Variants in ZNF438 observed in about 807,000 individuals in gnomAD.
The protein encoded by ZNF438 is zinc finger protein 438.
In ZNF438, 25 loss-of-function variants were observed where a neutral mutation model predicts 38.0. That is an observed-to-expected ratio of 0.66 (90% CI 0.48 to 0.92). The LOEUF is 0.92. Among genes scored for constraint, ZNF438 ranks in the 40% least tolerant of loss-of-function variants. The pLI is 0.00. For missense variants in ZNF438, 1,007 were observed against 999.6 expected (o/e 1.01, Z -0.10); for synonymous variants, 372 against 364.1 (o/e 1.02, Z -0.25).
chr10:30,995,442 T>A (rs2053947395), intron 1 of ZNF438, among the ~76,000 whole-genome samples: 1 of 152,066 alleles, frequency 6.6e-6, no homozygotes, highest in Admixed American at 6.6e-5. Context: ...AATTAAGGCA[T>A]CCCCAGAAAA....
At chr10:30,899,661 C>CA (rs1564602367) in intron 3 of ZNF438, among the ~76,000 whole-genome samples, 2 of 151,944 alleles carry the variant, frequency 1.3e-5, no homozygotes, top group Admixed American at 6.5e-5. Flanking sequence ...CCCACCCCCC[C>CA]ACACACAGGG....
chr10:30,862,937 G>A (rs1321154516), intron 4 of ZNF438, among the ~76,000 whole-genome samples: 1 of 152,206 alleles, frequency 6.6e-6, no homozygotes, highest in Non-Finnish European at 1.5e-5. Context: ...TTTGAGGAAT[G>A]TGCAAACTAC....
At chr10:30,869,574 A>G (rs2133393064) in intron 4 of ZNF438, among the ~76,000 whole-genome samples, 1 of 152,330 alleles carries the variant, frequency 6.6e-6, no homozygotes, top group African/African-American at 2.4e-5. Context: ...ATATTTCTAC[A>G]GGCATGTGTG....
intron 3 of ZNF438, among the ~76,000 whole-genome samples, chr10:30,886,936 TG>T (rs1564571260): frequency 6.6e-6 from 1 of 152,230 alleles, no homozygotes; most frequent in Non-Finnish European, 1.5e-5. Context: ...CATGGCTTTT[TG>T]TTAAATTTTA....
chr10:30,965,778 G>C (rs558440234), intron 1 of ZNF438, among the ~76,000 whole-genome samples: 28 of 152,130 alleles, frequency 1.8e-4, no homozygotes, highest in African/African-American at 6.0e-4. Flanking sequence ...AGGGAGGAGG[G>C]AGGCAAGAGT....
intron 1 of ZNF438, among the ~76,000 whole-genome samples, chr10:31,022,729 C>T (rs1429781178): frequency 2.0e-5 from 3 of 152,188 alleles, no homozygotes; most frequent in African/African-American, 4.8e-5. Context: ...ACAAACGCTT[C>T]GAAAGCTGAA....
In ZNF438 at chr10:30,861,826, G is replaced by A. The variant is rs139435435; in HGVS notation, c.38-11459C>T. ...TTTTGGCAAAAATAATTTGTAGCAC[G>A]CAAAAGATTTTATTCATTATTACAA... On this transcript the variant is annotated intron_variant, in intron 4 of 5. Transcript: ENST00000413025. Among the ~76,000 whole-genome samples, 43 of 152,174 alleles carry A rather than the reference G, an allele frequency of 2.8e-4. 1 individual carries two copies. In the East Asian group the frequency reaches 4.4e-3, roughly 16 times the overall value.
intron 1 of ZNF438, among the ~76,000 whole-genome samples, chr10:30,998,295 C>T (rs1037238640): frequency 6.6e-6 from 1 of 151,868 alleles, no homozygotes; most frequent in African/African-American, 2.4e-5. Flanking sequence ...AATCCTAGCA[C>T]TTTGGGAGGC....
intron 2 of ZNF438, among the ~76,000 whole-genome samples, chr10:30,931,729 C>T (rs770437994): frequency 2.0e-5 from 3 of 152,192 alleles, no homozygotes; most frequent in East Asian, 1.9e-4. Flanking sequence ...GTACGTCAAA[C>T]ATTCTTGCCA....
intron 3 of ZNF438, among the ~76,000 whole-genome samples, chr10:30,903,677 T>G (rs1228400592): frequency 6.6e-6 from 1 of 152,188 alleles, no homozygotes; most frequent in Non-Finnish European, 1.5e-5. Context: ...AGGTTGAGCC[T>G]TTTGAGTATT....
At chr10:30,859,313 A>C (rs922470030) in intron 4 of ZNF438, among the ~76,000 whole-genome samples, 1 of 152,098 alleles carries the variant, frequency 6.6e-6, no homozygotes, top group African/African-American at 2.4e-5. Flanking sequence ...CCTGGACTTA[A>C]GCAATCCACC....
chr10:30,941,226 C>G (rs978248100), intron 2 of ZNF438, among the ~76,000 whole-genome samples: 1 of 152,128 alleles, frequency 6.6e-6, no homozygotes, highest in Admixed American at 6.5e-5. Flanking sequence ...CGCCTGCCAC[C>G]ATGCCCAACT....
intron 5 of ZNF438, among the ~76,000 whole-genome samples, chr10:30,846,714 C>A (rs561465361): frequency 6.6e-6 from 1 of 152,150 alleles, no homozygotes; most frequent in Admixed American, 6.5e-5. Context: ...CAGGCAGGAG[C>A]GCTCCTGCCC....
At chr10:30,870,745 A>G (rs1380291965) in intron 4 of ZNF438, among the ~76,000 whole-genome samples, 2 of 152,238 alleles carry the variant, frequency 1.3e-5, no homozygotes, top group Admixed American at 6.5e-5. Context: ...ATCCTTGAAT[A>G]TCGCCTAGGA....
intron 4 of ZNF438, among the ~76,000 whole-genome samples, chr10:30,869,764 C>A (rs1442116281): frequency 6.6e-6 from 1 of 152,194 alleles, no homozygotes; most frequent in Admixed American, 6.5e-5. Context: ...AGTCCAAGAA[C>A]AGCATTTACA....
intron 2 of ZNF438, among the ~76,000 whole-genome samples, chr10:30,929,342 T>C (rs2045345346): frequency 6.6e-6 from 1 of 152,202 alleles, no homozygotes; most frequent in African/African-American, 2.4e-5. Flanking sequence ...TCTGGTGGGT[T>C]CGTGGTCTGG....
At chr10:30,977,550 G>A (rs2051514799) in intron 1 of ZNF438, among the ~76,000 whole-genome samples, 1 of 152,142 alleles carries the variant, frequency 6.6e-6, no homozygotes, top group Non-Finnish European at 1.5e-5. Flanking sequence ...TGTCTTAACA[G>A]AGGTGATCTT....
At chr10:30,936,455 C>A (rs1182741488) in intron 2 of ZNF438, among the ~76,000 whole-genome samples, 2 of 152,166 alleles carry the variant, frequency 1.3e-5, no homozygotes, top group East Asian at 3.9e-4. Context: ...AGGCAGATCA[C>A]CTGAGGTCAG....
chr10:30,871,320 T>C (rs891025875), intron 4 of ZNF438, among the ~76,000 whole-genome samples: 3 of 152,152 alleles, frequency 2.0e-5, no homozygotes, highest in African/African-American at 7.2e-5. Context: ...CACTTTGGTG[T>C]TTCATTAAAA....
Sources: gnomAD v4.1 joint callset for allele counts (sites outside exome capture counted in the v4.1 genomes callset) on GRCh38, gnomAD v4.1.1 for gene constraint, MANE v1.5 for transcripts, NCBI Gene and HGNC (gene_info 2026-07-23, HGNC 2026-07-21) for gene names.